ADGRV1: variants seen among roughly 807,000 people sequenced by gnomAD.
The protein encoded by ADGRV1 is adhesion G protein-coupled receptor V1, also known as G-protein coupled receptor 98.
A neutral mutation model predicts 596.2 loss-of-function variants in ADGRV1; 359 were observed. The observed-to-expected ratio is 0.60, with a 90% CI of 0.55 to 0.66. The LOEUF (loss-of-function observed/expected upper bound fraction) is 0.66. ADGRV1 is among the 30% of genes least tolerant of loss of function. The pLI is 0.00. For missense variants in ADGRV1, 7,274 were observed against 7,575.6 expected (o/e 0.96, Z 1.48); for synonymous variants, 2,681 against 2,679.2 (o/e 1.00, Z -0.02).
chr5:90,688,642 T>C (rs1306019811), intron 29 of ADGRV1, among the ~76,000 whole-genome samples: 2 of 152,138 alleles, frequency 1.3e-5, no homozygotes, highest in Non-Finnish European at 2.9e-5. Context: ...TTTATATATT[T>C]ATGGCACTGA....
intron 5 of ADGRV1, among the ~76,000 whole-genome samples, chr5:90,624,676 T>C (rs1032174737): frequency 6.6e-6 from 1 of 152,204 alleles, no homozygotes; most frequent in African/African-American, 2.4e-5. Context: ...GAATTTGCTG[T>C]GTTCACTGCT....
At chr5:90,875,935 T>C (rs1769179962) in intron 83 of ADGRV1, among the ~76,000 whole-genome samples, 1 of 152,200 alleles carries the variant, frequency 6.6e-6, no homozygotes, top group Non-Finnish European at 1.5e-5. Context: ...ATAATTAAAA[T>C]GGGCCATTAA....
intron 42 of ADGRV1, among the ~76,000 whole-genome samples, chr5:90,715,478 A>G (rs1749964094): frequency 6.6e-6 from 1 of 152,164 alleles, no homozygotes; most frequent in African/African-American, 2.4e-5. Flanking sequence ...GTAGAGAGAG[A>G]CCACTAGGCA....
chr5:90,958,817 A>T (rs190469250), intron 83 of ADGRV1, among the ~76,000 whole-genome samples: 1 of 152,336 alleles, frequency 6.6e-6, no homozygotes, highest in Admixed American at 6.5e-5. Flanking sequence ...TACATACTGA[A>T]GTACTGGGGT....
At chr5:91,035,863 A>G (rs868432691) in intron 85 of ADGRV1, among the ~76,000 whole-genome samples, 1 of 104,080 alleles carries the variant, frequency 9.6e-6, no homozygotes, top group African/African-American at 3.4e-5. Context: ...TATATATATT[A>G]TATATATATA....
intron 77 of ADGRV1, among the ~76,000 whole-genome samples, chr5:90,832,857 C>T (rs1028700130): frequency 3.3e-5 from 5 of 152,268 alleles, no homozygotes; most frequent in African/African-American, 1.2e-4. Flanking sequence ...GAAGAGACTG[C>T]CCTTTTTCCA....
At chr5:90,747,861 C>T (rs538771733) in intron 52 of ADGRV1, among the ~76,000 whole-genome samples, 39 of 152,172 alleles carry the variant, frequency 2.6e-4, no homozygotes, top group Non-Finnish European at 4.4e-4. Context: ...GCAGTCAGGT[C>T]TGCTGTGTGA....
chr5:90,810,223 T>A lies in ADGRV1; in HGVS notation c.14973-10T>A, dbSNP rs1358365010. ...AAATCAATTTCTTCATGATTTAATTTTTTTCCCAGATCAGGTTTCATTGTT... is the reference window on the plus strand; with the variant it reads ...AAATCAATTTCTTCATGATTTAATTATTTTCCCAGATCAGGTTTCATTGTT... On this transcript the variant is annotated splice_polypyrimidine_tract_variant and intron_variant, in intron 73 of 89. Coordinates refer to ENST00000405460, the MANE Select transcript of ADGRV1 (RefSeq NM_032119.4). The A allele has an allele frequency of 6.6e-7, 1 of 1,524,480 alleles. No homozygotes were observed. Among genetic ancestry groups the A allele is most frequent in the African/African-American group, 1.4e-5 (1 of 71,452 alleles). 94.4% of individuals were successfully genotyped at this position (1,524,480 alleles called of 1,614,324 possible).
In ADGRV1 at chr5:90,711,069, A is replaced by G; in HGVS notation, c.8903+10A>G. On this transcript the variant is annotated intron_variant, in intron 40 of 89. Coordinates refer to ENST00000405460, the MANE Select transcript of ADGRV1 (RefSeq NM_032119.4). ...AATGGCAACAAAGCAGGTAAGGCCAAGGCTGCATGAGAGCCCTCTTCTGGG... is the reference window on the plus strand; with the variant it reads ...AATGGCAACAAAGCAGGTAAGGCCAGGGCTGCATGAGAGCCCTCTTCTGGG... 6.3e-7 allele frequency: 1 copy of G among 1,599,214 alleles called. No homozygotes were observed. Among genetic ancestry groups the G allele is most frequent in the Non-Finnish European group, 8.5e-7 (1 of 1,170,458 alleles).
chr5:90,676,311 T>G, intron 25 of ADGRV1, 102 bp downstream of exon 25: 3 of 1,036,188 alleles, frequency 2.9e-6, no homozygotes, highest in Non-Finnish European at 2.8e-6. Context: ...TAATCTTACT[T>G]AAATAAATGA....
At chr5:90,928,238 G>C (rs1431337389) in intron 83 of ADGRV1, among the ~76,000 whole-genome samples, 2 of 151,990 alleles carry the variant, frequency 1.3e-5, no homozygotes, top group African/African-American at 4.8e-5. Flanking sequence ...TTCCACCTTG[G>C]TTCCATTCTC....
rs1166500471 is a variant in ADGRV1 at position 90,828,963 on chromosome 5, A to AT, written c.16395dup (p.Val5466CysfsTer5). 3.8e-6 allele frequency: 6 copies of AT among 1,577,674 alleles called. No homozygotes were observed. The African/African-American group carries it at 5.4e-5, about 14-fold the overall frequency. ...TGTCAGGTACCACAGGTTGAAGTGTATTTTTTTGTGGAACTATATGAAGCT... is the reference window on the plus strand; with the variant it reads ...TGTCAGGTACCACAGGTTGAAGTGTATTTTTTTTGTGGAACTATATGAAGCT... On this transcript the variant is annotated frameshift_variant, in exon 77 of 90. Transcript: ENST00000405460. LOFTEE classifies it high-confidence loss of function.
At position 90,971,196 on chromosome 5, in the gene ADGRV1, T is replaced by A. The variant is rs548330998; in HGVS notation, c.17973+5665T>A. 2.6e-5 allele frequency among the ~76,000 whole-genome samples: 4 copies of A among 152,308 alleles called. No homozygotes were observed. In the South Asian group the frequency reaches 8.3e-4, roughly 32 times the overall value. On this transcript the variant is annotated intron_variant, in intron 84 of 89. Transcript: ENST00000405460. ...ACAAAGACTCCAAGAAACATGGGACTATGTGAAAAGACCAAATCTACGTCT... is the reference window on the plus strand; with the variant it reads ...ACAAAGACTCCAAGAAACATGGGACAATGTGAAAAGACCAAATCTACGTCT...
chr5:90,666,813 C>T (rs991016857), intron 21 of ADGRV1, among the ~76,000 whole-genome samples: 4 of 151,504 alleles, frequency 2.6e-5, no homozygotes, highest in African/African-American at 9.7e-5. Flanking sequence ...CTGGTGGTGA[C>T]AAAATCTCTC....
chr5:90,816,118 G>C (rs1762867570), intron 75 of ADGRV1, among the ~76,000 whole-genome samples: 1 of 152,128 alleles, frequency 6.6e-6, no homozygotes, highest in African/African-American at 2.4e-5. Flanking sequence ...ACATACACGT[G>C]CTTGGTATGC....
chr5:90,683,625 C>T lies in ADGRV1; in HGVS notation c.5704C>T (p.His1902Tyr). 1 of 1,607,076 alleles carries T rather than the reference C, an allele frequency of 6.2e-7. No individual in the cohort carries two copies. Among genetic ancestry groups the T allele is most frequent in the Non-Finnish European group, 8.5e-7 (1 of 1,174,180 alleles). Residue 1902 changes from histidine to tyrosine, a missense_variant, in exon 28 of 90, where the codon CAT becomes TAT. Transcript: ENST00000405460. ...HHGTLSPVTL[H>Y]WNIDSDPDGD... The stretch of plus-strand genomic sequence containing the variant: ...TGGAACTCTGTCTCCAGTGACTTTG[C>T]ATTGGAACATAGACTCTGATCCTGA...
At chr5:90,900,729 G>T (rs187638159) in intron 83 of ADGRV1, among the ~76,000 whole-genome samples, 41 of 152,168 alleles carry the variant, frequency 2.7e-4, no homozygotes, top group African/African-American at 9.6e-4. Flanking sequence ...ACTTGCCTGG[G>T]CTTTATAGAC....
At chr5:90,883,414 G>A (rs773334679) in intron 83 of ADGRV1, among the ~76,000 whole-genome samples, 1 of 152,118 alleles carries the variant, frequency 6.6e-6, no homozygotes, top group Non-Finnish European at 1.5e-5. Context: ...ATAAAATCCA[G>A]TAGTGAGGTA....
intron 83 of ADGRV1, among the ~76,000 whole-genome samples, chr5:90,947,731 C>T (rs1776708375): frequency 6.6e-6 from 1 of 152,060 alleles, no homozygotes; most frequent in African/African-American, 2.4e-5. Context: ...AAAGTCTTAT[C>T]AAACAAAGGT....
Sources: gnomAD v4.1 joint callset for allele counts (sites outside exome capture counted in the v4.1 genomes callset) on GRCh38, gnomAD v4.1.1 for gene constraint, MANE v1.5 for transcripts, NCBI Gene and HGNC (gene_info 2026-07-23, HGNC 2026-07-21) for gene names.